The following ZNF423 variants were observed in gnomAD, a reference collection of about 807,000 sequenced individuals.
ZNF423 encodes Ebf-associated zinc finger protein.
A neutral mutation model predicts 95.8 loss-of-function variants in ZNF423; 12 were observed. The observed-to-expected ratio is 0.13, with a 90% CI of 0.08 to 0.20. ZNF423 has a LOEUF of 0.20. Ranked by LOEUF, ZNF423 falls within the 10% of genes least tolerant of loss-of-function variation. The pLI, the probability that ZNF423 is intolerant of heterozygous loss-of-function variation, is 1.00. For missense variants in ZNF423, 1,316 were observed against 1,737.1 expected, an observed-to-expected ratio of 0.76 and a Z score of 4.31; for synonymous variants, 749 against 711.9, an observed-to-expected ratio of 1.05 and a Z score of -0.83.
chr16:49,840,736 C>A (rs2035174151), intron 1 of ZNF423, among the ~76,000 whole-genome samples: 1 of 152,058 alleles, frequency 6.6e-6, no homozygotes. Context: ...CTAGTACACA[C>A]AGACTCACAC....
chr16:49,682,346 A>C (rs1457000922), intron 3 of ZNF423, among the ~76,000 whole-genome samples: 1 of 152,186 alleles, frequency 6.6e-6, no homozygotes, highest in Non-Finnish European at 1.5e-5. Context: ...TGTGAGTGCC[A>C]GGGCTGGCCG....
chr16:49,766,755 C>T (rs893929884), intron 2 of ZNF423, among the ~76,000 whole-genome samples: 3 of 152,188 alleles, frequency 2.0e-5, no homozygotes, highest in Non-Finnish European at 4.4e-5. Flanking sequence ...GAGCCTCGGT[C>T]CCTCAGAGGC....
At chr16:49,502,724 C>T (rs938561165) in intron 7 of ZNF423, among the ~76,000 whole-genome samples, 5 of 151,822 alleles carry the variant, frequency 3.3e-5, no homozygotes, top group African/African-American at 7.3e-5. Context: ...AAGCAGCCTC[C>T]CAAGGCAGCG....
At chr16:49,707,241 C>T (rs2032382629) in intron 3 of ZNF423, among the ~76,000 whole-genome samples, 1 of 152,138 alleles carries the variant, frequency 6.6e-6, no homozygotes, top group Admixed American at 6.5e-5. Context: ...GTCTGCAGTA[C>T]TCTCCCCACT....
intron 7 of ZNF423, among the ~76,000 whole-genome samples, chr16:49,495,918 C>T (rs1190325320): frequency 6.6e-6 from 1 of 152,216 alleles, no homozygotes; most frequent in Non-Finnish European, 1.5e-5. Flanking sequence ...CCTTTGATAC[C>T]TATCCATCAC....
At chr16:49,786,098 T>C (rs934488776) in intron 2 of ZNF423, among the ~76,000 whole-genome samples, 1 of 152,192 alleles carries the variant, frequency 6.6e-6, no homozygotes, top group Non-Finnish European at 1.5e-5. Flanking sequence ...GCAGCCCCAT[T>C]CACCAGCAAG....
At chr16:49,628,006 A>C (rs965082722) in intron 4 of ZNF423, among the ~76,000 whole-genome samples, 2 of 149,574 alleles carry the variant, frequency 1.3e-5, no homozygotes, top group Non-Finnish European at 3.0e-5. Flanking sequence ...CTACCTATCC[A>C]TCCATCTACA....
rs1438776778 is a variant in ZNF423 at position 49,635,472 on chromosome 16, A to T, written c.3516+188T>A. ...GAGATAAATAACATGAGCCCATCAC[A>T]TGGCTGGAAAGGCAATGGCAGTGCT... On this transcript the variant is annotated intron_variant, in intron 4 of 7. Coordinates refer to ENST00000563137, the MANE Select transcript of ZNF423 (RefSeq NM_001379286.1). The surrounding 1 kb of genome is among the most constrained non-coding windows in gnomAD (Gnocchi z 4.8). Among the ~76,000 whole-genome samples, 1 of 152,238 alleles carries T rather than the reference A, an allele frequency of 6.6e-6. No homozygotes were observed. Among genetic ancestry groups the T allele is most frequent in the African/African-American group, 2.4e-5 (1 of 41,470 alleles).
chr16:49,699,603 A>G (rs1307730235), intron 3 of ZNF423, among the ~76,000 whole-genome samples: 2 of 152,122 alleles, frequency 1.3e-5, no homozygotes, highest in Non-Finnish European at 2.9e-5. Context: ...TAAGTTTGTC[A>G]TGTCCTCTTT....
chr16:49,559,081 C>T (rs1969934388), intron 5 of ZNF423, among the ~76,000 whole-genome samples: 1 of 152,246 alleles, frequency 6.6e-6, no homozygotes, highest in African/African-American at 2.4e-5. Context: ...CTGCCCCTTC[C>T]ACCTTCTCAC....
intron 3 of ZNF423, among the ~76,000 whole-genome samples, chr16:49,722,816 G>A (rs2032904172): frequency 6.6e-6 from 1 of 152,180 alleles, no homozygotes; most frequent in Non-Finnish European, 1.5e-5. Context: ...AAGACCCCAA[G>A]CCTGGACATC....
chr16:49,798,593 A>G (rs1219300887), intron 1 of ZNF423, among the ~76,000 whole-genome samples: 1 of 152,092 alleles, frequency 6.6e-6, no homozygotes, highest in Non-Finnish European at 1.5e-5. Context: ...AGTACTTTTT[A>G]AAAATAAATA....
intron 3 of ZNF423, among the ~76,000 whole-genome samples, chr16:49,679,837 C>A (rs1348473067): frequency 1.3e-5 from 2 of 152,346 alleles, no homozygotes; most frequent in Non-Finnish European, 2.9e-5. Context: ...AGAGTGAGAA[C>A]TTATGGTGCT....
At chr16:49,663,472 T>C (rs555447481) in intron 3 of ZNF423, among the ~76,000 whole-genome samples, 56 of 152,100 alleles carry the variant, frequency 3.7e-4, no homozygotes, top group African/African-American at 1.3e-3. Flanking sequence ...AGTCTCAATG[T>C]CCCCTTGGCA....
chr16:49,730,992 G>T, intron 2 of ZNF423, 21 bp from the exon 3 acceptor site: 1 of 1,612,264 alleles, frequency 6.2e-7, no homozygotes, highest in African/African-American at 1.3e-5. Context: ...GAAGAATACA[G>T]TCCATGTCAG....
intron 5 of ZNF423, among the ~76,000 whole-genome samples, chr16:49,596,387 G>A (rs573180455): frequency 2.0e-5 from 3 of 152,264 alleles, no homozygotes; most frequent in East Asian, 3.9e-4. Flanking sequence ...ACAACAGCCC[G>A]CAGCTTCCTT....
intron 3 of ZNF423, among the ~76,000 whole-genome samples, chr16:49,656,464 CTG>C (rs2029883938): frequency 6.6e-6 from 1 of 151,698 alleles, no homozygotes; most frequent in South Asian, 2.1e-4. Context: ...TGAGCCAAGA[CTG>C]TACCACTGCA....
chr16:49,760,748 T>C (rs1359659933), intron 2 of ZNF423, among the ~76,000 whole-genome samples: 1 of 151,924 alleles, frequency 6.6e-6, no homozygotes, highest in African/African-American at 2.4e-5. Context: ...GACTCTTGAT[T>C]GAAAAGCCAG....
In ZNF423 at chr16:49,531,293, C is replaced by T. The variant is rs571621525; in HGVS notation, c.3602-5799G>A. Among the ~76,000 whole-genome samples the T allele has an allele frequency of 2.5e-4, 38 of 151,680 alleles. 1 individual carries two copies. In the South Asian group the frequency reaches 8.0e-3, roughly 32 times the overall value. On this transcript the variant is annotated intron_variant, in intron 5 of 7. Coordinates refer to ENST00000563137, the MANE Select transcript of ZNF423 (RefSeq NM_001379286.1). The stretch of plus-strand genomic sequence containing the variant: ...AGCCTGCGGCCTGCGCATCTAGTAT[C>T]AGGTCAAGTCCTGAGGTCCTGGGGC...
Sources: allele counts gnomAD v4.1 joint callset (sites outside exome capture counted in the v4.1 genomes callset), GRCh38; gene constraint gnomAD v4.1.1; non-coding constraint Gnocchi (gnomAD v3.1); transcripts MANE v1.5; gene names NCBI Gene and HGNC (gene_info 2026-07-23, HGNC 2026-07-21).